The following ACCSL variants were observed in gnomAD, a reference collection of about 807,000 sequenced individuals.
The protein encoded by ACCSL is probable inactive 1-aminocyclopropane-1-carboxylate synthase-like protein 2.
A neutral mutation model predicts 61.7 loss-of-function variants in ACCSL; 55 were observed. That is an observed-to-expected ratio of 0.89 (90% CI 0.72 to 1.12). The LOEUF (loss-of-function observed/expected upper bound fraction) is 1.12. ACCSL is among the 50% of genes most tolerant of loss of function. The pLI, the probability that ACCSL is intolerant of heterozygous loss-of-function variation, is 0.00. For missense variants in ACCSL, 632 were observed against 698.0 expected, an observed-to-expected ratio of 0.91 and a Z score of 1.07; for synonymous variants, 258 against 264.3, an observed-to-expected ratio of 0.98 and a Z score of 0.23.
At chr11:44,019,672 G>A in the ACCSL span, among the ~76,000 whole-genome samples, 1 of 152,086 alleles carries the variant, frequency 6.6e-6, no homozygotes, top group Admixed American at 6.5e-5. Flanking sequence ...TATATGATTT[G>A]CAAATCTTTT....
chr11:43,948,947 G>A, the ACCSL span, among the ~76,000 whole-genome samples: 1 of 152,210 alleles, frequency 6.6e-6, no homozygotes, highest in African/African-American at 2.4e-5. Context: ...AGGCAGAACT[G>A]TGCTTGGGAG....
the ACCSL span, among the ~76,000 whole-genome samples, chr11:43,937,755 T>A: frequency 6.6e-6 from 1 of 151,912 alleles, no homozygotes; most frequent in African/African-American, 2.4e-5. Context: ...TCGAAGGGTC[T>A]CTTAGAACAA....
the ACCSL span, among the ~76,000 whole-genome samples, chr11:43,965,141 AGTAAAACTGTCTC>A: frequency 1.3e-5 from 2 of 152,234 alleles, no homozygotes; most frequent in African/African-American, 4.8e-5. Context: ...GAAAGGAAGA[AGTAAAACTGTCTC>A]TGTTCACAGA....
Position 44,048,536 on chromosome 11 carries a change from C to T in ACCSL, c.500C>T (p.Thr167Ile), listed in dbSNP as rs1952615497. 2.2e-6 allele frequency: 3 copies of T among 1,389,060 alleles called. No individual in the cohort carries two copies. The highest frequency in any genetic ancestry group is 2.8e-6 in the Non-Finnish European group (3 of 1,067,250). The allele number at this position is 1,389,060 out of a possible 1,614,324, so 86.0% of individuals were successfully genotyped here. A position where few individuals can be genotyped will look rare whatever the true frequency, so the allele number is the denominator to read the frequency against. Residue 167 changes from threonine to isoleucine, a missense_variant, in exon 1 of 14, where the codon ACC becomes ATC. Physicochemically the swap from Thr to Ile is moderately conservative, Grantham distance 89 (BLOSUM62 -1). Coordinates refer to ENST00000378832, the MANE Select transcript of ACCSL (RefSeq NM_001031854.2). ...QKDKYHKDKN[T>I]LGFINLGTSE... ...GATAAATATCATAAGGACAAGAACA[C>T]CTTGGTGAGAATTTGGGGTGGGGGG...
chr11:43,992,083 A>T, the ACCSL span, among the ~76,000 whole-genome samples: 2 of 117,100 alleles, frequency 1.7e-5, no homozygotes, highest in African/African-American at 6.7e-5. Context: ...ACAGGGTCTC[A>T]CTCTGTTGCC....
the ACCSL span, among the ~76,000 whole-genome samples, chr11:43,999,061 C>G: frequency 1.3e-5 from 2 of 152,174 alleles, no homozygotes; most frequent in African/African-American, 2.4e-5. Context: ...CTAAGTGGCT[C>G]TCTCTGTGCC....
the ACCSL span, among the ~76,000 whole-genome samples, chr11:43,960,197 G>C: frequency 6.6e-6 from 1 of 152,136 alleles, no homozygotes; most frequent in African/African-American, 2.4e-5. Flanking sequence ...CTTATTGTCT[G>C]TCATATGTGT....
At chr11:43,940,366 T>A in the ACCSL span, among the ~76,000 whole-genome samples, 1 of 151,884 alleles carries the variant, frequency 6.6e-6, no homozygotes, top group Non-Finnish European at 1.5e-5. Flanking sequence ...ATCTTTTTTT[T>A]TTTTTTTGAG....
chr11:44,020,377 G>C, the ACCSL span, among the ~76,000 whole-genome samples: 1 of 152,116 alleles, frequency 6.6e-6, no homozygotes, highest in African/African-American at 2.4e-5. Context: ...AATAGAAATG[G>C]TGAGAGCAGA....
At chr11:44,050,164 C>T (rs1952627477) in intron 2 of ACCSL, 43 bp downstream of exon 2, 1 of 1,528,896 alleles carries the variant, frequency 6.5e-7, no homozygotes, top group Admixed American at 1.7e-5. Flanking sequence ...CCCTTCAAGG[C>T]TTAGTCCCCC....
chr11:44,012,035 G>C, the ACCSL span, among the ~76,000 whole-genome samples: 10 of 152,248 alleles, frequency 6.6e-5, no homozygotes, highest in East Asian at 1.9e-4. Flanking sequence ...GGAGGAAAGA[G>C]AAGAACCTCC....
the ACCSL span, among the ~76,000 whole-genome samples, chr11:43,998,367 T>C: frequency 6.6e-6 from 1 of 152,196 alleles, no homozygotes; most frequent in African/African-American, 2.4e-5. Context: ...TCAGTGTGTG[T>C]TGGCTGATTT....
the ACCSL span, among the ~76,000 whole-genome samples, chr11:43,950,951 C>T: frequency 1.4e-4 from 21 of 152,182 alleles, no homozygotes; most frequent in Admixed American, 5.2e-4. Flanking sequence ...AAACATAAGG[C>T]ATTGACTTAG....
the ACCSL span, among the ~76,000 whole-genome samples, chr11:44,008,360 G>T: frequency 6.6e-6 from 1 of 152,206 alleles, no homozygotes; most frequent in Non-Finnish European, 1.5e-5. Flanking sequence ...GTGGTCCGGG[G>T]CTGGTGCCTG....
chr11:43,959,470 G>T, the ACCSL span, among the ~76,000 whole-genome samples: 1 of 152,210 alleles, frequency 6.6e-6, no homozygotes. Context: ...TATAGCAGTT[G>T]GAATTAGCCT....
At chr11:43,947,863 C>T in the ACCSL span, among the ~76,000 whole-genome samples, 7 of 152,222 alleles carry the variant, frequency 4.6e-5, no homozygotes, top group East Asian at 7.7e-4. Context: ...GACAGGAGCC[C>T]GGGCATCTGA....
At chr11:43,936,133 C>T in the ACCSL span, among the ~76,000 whole-genome samples, 17 of 152,188 alleles carry the variant, frequency 1.1e-4, no homozygotes, top group Non-Finnish European at 2.1e-4. Context: ...CCAAGGTCCC[C>T]GAGGGCCACG....
chr11:43,980,927 G>GA, the ACCSL span, among the ~76,000 whole-genome samples: 34,766 of 152,074 alleles, frequency 0.23, 4,273 homozygotes, highest in Non-Finnish European at 0.28. Context: ...AGTAGAGGGG[G>GA]AGCCAGGATT....
At chr11:43,957,582 T>C in the ACCSL span, among the ~76,000 whole-genome samples, 1 of 152,168 alleles carries the variant, frequency 6.6e-6, no homozygotes, top group African/African-American at 2.4e-5. Flanking sequence ...TCTCTATAGA[T>C]GCAAATTTCC....
Sources: allele counts gnomAD v4.1 joint callset (sites outside exome capture counted in the v4.1 genomes callset), GRCh38; gene constraint gnomAD v4.1.1; transcripts MANE v1.5; gene names NCBI Gene and HGNC (gene_info 2026-07-23, HGNC 2026-07-21).